Variants in FHIT observed in about 807,000 individuals in gnomAD.
FHIT encodes the protein bis(5'-adenosyl)-triphosphatase.
In FHIT, 19 loss-of-function variants were observed where a neutral mutation model predicts 17.9. The observed-to-expected ratio is 1.06, with a 90% CI of 0.74 to 1.56. The LOEUF (loss-of-function observed/expected upper bound fraction) is 1.56. FHIT is among the 40% of genes most tolerant of loss of function. The probability of loss-of-function intolerance (pLI) is 0.00; values close to 1 mark genes in which losing one functional copy is unlikely to be tolerated. For missense variants in FHIT, 248 were observed against 189.2 expected (o/e 1.31, Z -1.82); for synonymous variants, 81 against 69.7 (o/e 1.16, Z -0.81).
intron 5 of FHIT, among the ~76,000 whole-genome samples, chr3:60,148,648 G>C (rs1700338112): frequency 6.6e-6 from 1 of 152,138 alleles, no homozygotes; most frequent in African/African-American, 2.4e-5. Context: ...CCACACCGTA[G>C]TTAAAGACCA....
intron 5 of FHIT, among the ~76,000 whole-genome samples, chr3:60,201,701 T>A (rs1468847797): frequency 3.3e-5 from 5 of 152,194 alleles, no homozygotes; most frequent in Non-Finnish European, 7.4e-5. Context: ...CTTCTGTGTA[T>A]ATTTAACCTA....
intron 7 of FHIT, among the ~76,000 whole-genome samples, chr3:59,980,254 C>A (rs548768474): frequency 5.3e-5 from 8 of 152,130 alleles, no homozygotes; most frequent in East Asian, 1.9e-4. Context: ...TCTCTGCCAA[C>A]TGTAAGGCAG....
chr3:59,955,098 T>C (rs55910136), intron 7 of FHIT, among the ~76,000 whole-genome samples: 6,684 of 152,264 alleles, frequency 0.044, 213 homozygotes, highest in Admixed American at 0.094. Flanking sequence ...AACTGTAATA[T>C]AGGAAAAACA....
intron 8 of FHIT, among the ~76,000 whole-genome samples, chr3:59,821,606 T>C (rs1281580880): frequency 3.3e-5 from 5 of 152,146 alleles, no homozygotes; most frequent in Non-Finnish European, 7.4e-5. Flanking sequence ...TAAACAAGAC[T>C]GGCTTACCAG....
At chr3:59,762,805 G>A (rs778272978) in intron 8 of FHIT, among the ~76,000 whole-genome samples, 7 of 152,130 alleles carry the variant, frequency 4.6e-5, no homozygotes, top group Non-Finnish European at 8.8e-5. Flanking sequence ...CACCCCAGGC[G>A]CCATCATATC....
At chr3:60,268,906 G>C (rs113396068) in intron 5 of FHIT, among the ~76,000 whole-genome samples, 134 of 152,238 alleles carry the variant, frequency 8.8e-4, no homozygotes, top group African/African-American at 3.0e-3. Context: ...ACAGGCTGAA[G>C]AGAAGGTCAC....
chr3:61,206,873 G>C (rs1009857736), intron 1 of FHIT, among the ~76,000 whole-genome samples: 7 of 152,180 alleles, frequency 4.6e-5, no homozygotes, highest in African/African-American at 1.7e-4. Context: ...GGAGTGGTGA[G>C]AGAGGGCATC....
At chr3:60,963,043 T>C (rs2107503129) in intron 3 of FHIT, among the ~76,000 whole-genome samples, 1 of 152,328 alleles carries the variant, frequency 6.6e-6, no homozygotes, top group East Asian at 1.9e-4. Context: ...AATTCGGCTG[T>C]GAATCCATCT....
intron 5 of FHIT, among the ~76,000 whole-genome samples, chr3:60,388,198 T>C (rs934103872): frequency 6.6e-6 from 1 of 152,194 alleles, no homozygotes; most frequent in Non-Finnish European, 1.5e-5. Flanking sequence ...TAACCACATC[T>C]GAGATAAAAT....
At chr3:60,408,188 G>A (rs1376651109) in intron 5 of FHIT, among the ~76,000 whole-genome samples, 1 of 152,178 alleles carries the variant, frequency 6.6e-6, no homozygotes, top group East Asian at 1.9e-4. Context: ...ACAAGTGCTA[G>A]GTTGTAACGG....
At chr3:60,859,851 C>T (rs1703563273) in intron 3 of FHIT, among the ~76,000 whole-genome samples, 1 of 137,698 alleles carries the variant, frequency 7.3e-6, no homozygotes, top group African/African-American at 2.7e-5. Context: ...CAAGACCAGC[C>T]TGGCCAACAT....
At chr3:59,827,274 C>T (rs1374430811) in intron 8 of FHIT, among the ~76,000 whole-genome samples, 1 of 152,180 alleles carries the variant, frequency 6.6e-6, no homozygotes, top group Non-Finnish European at 1.5e-5. Context: ...GTCAGTTATT[C>T]AACCATGATG....
At chr3:59,907,103 C>A (rs1173499369) in intron 8 of FHIT, among the ~76,000 whole-genome samples, 3 of 152,174 alleles carry the variant, frequency 2.0e-5, no homozygotes, top group Admixed American at 2.0e-4. Context: ...GAGCCTCAGG[C>A]AGAGGGAACT....
intron 5 of FHIT, among the ~76,000 whole-genome samples, chr3:60,188,207 C>CT (rs1210975877): frequency 0.25 from 31,989 of 125,502 alleles, 4,545 homozygotes; most frequent in East Asian, 0.58. Flanking sequence ...CAGTTTCTTT[C>CT]TTTTTTTTTT....
At chr3:59,895,748 C>T (rs1704041366) in intron 8 of FHIT, among the ~76,000 whole-genome samples, 1 of 152,218 alleles carries the variant, frequency 6.6e-6, no homozygotes, top group Non-Finnish European at 1.5e-5. Context: ...CTCCACAGAG[C>T]AATAACCATA....
intron 8 of FHIT, among the ~76,000 whole-genome samples, chr3:59,910,026 T>C (rs1037155746): frequency 1.3e-5 from 2 of 152,242 alleles, no homozygotes; most frequent in African/African-American, 2.4e-5. Flanking sequence ...CAATGTATTT[T>C]TTCCCAGTGA....
intron 5 of FHIT, among the ~76,000 whole-genome samples, chr3:60,179,814 T>C (rs1015631377): frequency 1.3e-5 from 2 of 152,154 alleles, no homozygotes; most frequent in African/African-American, 4.8e-5. Context: ...CTTCCTGACA[T>C]CTTGGTCTCT....
At chr3:60,626,647 A>C (rs1243478453) in intron 4 of FHIT, among the ~76,000 whole-genome samples, 4 of 152,016 alleles carry the variant, frequency 2.6e-5, no homozygotes, top group African/African-American at 9.7e-5. Context: ...ATTTATAATA[A>C]AGTTTTTCTT....
chr3:61,103,976 G>C (rs953114056), intron 2 of FHIT, among the ~76,000 whole-genome samples: 13 of 151,484 alleles, frequency 8.6e-5, no homozygotes, highest in African/African-American at 3.2e-4. Flanking sequence ...ACATGAGATG[G>C]GTCTCCTGAA....
Sources: allele counts gnomAD v4.1 joint callset (sites outside exome capture counted in the v4.1 genomes callset), GRCh38; gene constraint gnomAD v4.1.1; transcripts MANE v1.5; gene names NCBI Gene and HGNC (gene_info 2026-07-23, HGNC 2026-07-21).